Variants in CHRM2 observed in about 807,000 individuals in gnomAD.
The protein encoded by CHRM2 is muscarinic acetylcholine receptor M2.
In CHRM2, 8 loss-of-function variants were observed where a neutral mutation model predicts 25.0. The ratio of observed to expected loss-of-function variants is 0.32; its 90% CI spans 0.19 to 0.58. CHRM2 has a LOEUF of 0.58. Among genes scored for constraint, CHRM2 ranks in the 20% least tolerant of loss-of-function variants. The probability of loss-of-function intolerance (pLI) is 0.88; values close to 1 mark genes in which losing one functional copy is unlikely to be tolerated. For missense variants in CHRM2, 440 were observed against 567.1 expected (o/e 0.78, Z 2.28); for synonymous variants, 202 against 205.7 (o/e 0.98, Z 0.15).
chr7:136,907,365 C>T (rs112017255), intron 2 of CHRM2, among the ~76,000 whole-genome samples: 1 of 151,884 alleles, frequency 6.6e-6, no homozygotes, highest in Non-Finnish European at 1.5e-5. Flanking sequence ...GTTGCTTGAC[C>T]TTCTCTCTGG....
intron 2 of CHRM2, among the ~76,000 whole-genome samples, chr7:136,911,962 A>G (rs901436966): frequency 6.6e-5 from 10 of 151,888 alleles, no homozygotes; most frequent in African/African-American, 2.2e-4. Context: ...AGTTATTTCT[A>G]TGGATAATAC....
chr7:136,897,643 G>T, intron 2 of CHRM2, among the ~76,000 whole-genome samples: 1 of 151,406 alleles, frequency 6.6e-6, no homozygotes. Context: ...TTAAAGGGTG[G>T]TGGATTGCAC....
At chr7:136,932,519 G>A (rs1799166452) in intron 2 of CHRM2, among the ~76,000 whole-genome samples, 1 of 152,114 alleles carries the variant, frequency 6.6e-6, no homozygotes, top group African/African-American at 2.4e-5. Context: ...ATAATTCACT[G>A]GGGAAAGATT....
At chr7:136,967,777 T>C (rs919230685) in intron 2 of CHRM2, among the ~76,000 whole-genome samples, 2 of 152,070 alleles carry the variant, frequency 1.3e-5, no homozygotes, top group African/African-American at 4.8e-5. Flanking sequence ...CCTGTGTCCA[T>C]GGTATGAGTT....
intron 2 of CHRM2, among the ~76,000 whole-genome samples, chr7:136,923,975 T>A (rs939085265): frequency 1.3e-5 from 2 of 152,194 alleles, no homozygotes; most frequent in Non-Finnish European, 2.9e-5. Context: ...ATCATGCCAC[T>A]GTTCTCTAGC....
At chr7:136,923,154 T>A (rs943994662) in intron 2 of CHRM2, among the ~76,000 whole-genome samples, 3 of 152,120 alleles carry the variant, frequency 2.0e-5, no homozygotes, top group Admixed American at 6.5e-5. Flanking sequence ...ATATTTTCTT[T>A]AAGTCATTTA....
chr7:136,892,055 T>C lies in CHRM2; in HGVS notation c.-125+22637T>C, dbSNP rs182243033. Among the ~76,000 whole-genome samples, 174 of 152,300 alleles carry C rather than the reference T, an allele frequency of 1.1e-3. 2 individuals are homozygous for C. Among genetic ancestry groups the C allele is most frequent in the Non-Finnish European group, 4.6e-4 (31 of 68,016 alleles). On this transcript the variant is annotated intron_variant, in intron 2 of 3. Coordinates refer to ENST00000680005, the MANE Select transcript of CHRM2 (RefSeq NM_001006630.2). ...AGAATAGTATCTGTTACACAGCAGG[T>C]ATTAACACTGGTTGAGTGGATGGAC... is the stretch of plus-strand genomic sequence containing the variant.
rs28578872 is a variant in CHRM2, at chr7:136,869,915, T to C, written c.-125+497T>C. ...CGTGTGGGATGGAGGCCCGGCTCGCTCGGGCTCCGAGCTGTCCCCCGGCTC... is the reference window on the plus strand; with the variant it reads ...CGTGTGGGATGGAGGCCCGGCTCGCCCGGGCTCCGAGCTGTCCCCCGGCTC... On this transcript the variant is annotated intron_variant, in intron 2 of 3. Transcript: ENST00000680005. This position sits in a 1 kb window ranked among gnomAD's most constrained non-coding sequence, Gnocchi z 4.9. 62,993 of 152,220 alleles carry C rather than the reference T, an allele frequency of 0.41. 13,465 individuals carry two copies. Among genetic ancestry groups the C allele is most frequent in the African/African-American group, 0.45 (18,869 of 41,472 alleles). The allele number at this position is 152,220 out of a possible 1,614,324, so 9.4% of individuals were successfully genotyped here. A position where few individuals can be genotyped will look rare whatever the true frequency, so the allele number is the denominator to read the frequency against.
At chr7:136,907,166 C>T (rs535167780) in intron 2 of CHRM2, among the ~76,000 whole-genome samples, 8 of 152,040 alleles carry the variant, frequency 5.3e-5, no homozygotes, top group Admixed American at 2.6e-4. Flanking sequence ...GATGAAGCTT[C>T]GCTTGCTGTC....
At chr7:136,989,849 C>A (rs561064317) in intron 2 of CHRM2, among the ~76,000 whole-genome samples, 22 of 152,186 alleles carry the variant, frequency 1.4e-4, no homozygotes, top group Middle Eastern at 6.8e-3. Flanking sequence ...TTCATCAGAT[C>A]CCCATCCACT....
At chr7:136,955,844 G>A (rs1407605226) in intron 2 of CHRM2, among the ~76,000 whole-genome samples, 3 of 152,114 alleles carry the variant, frequency 2.0e-5, no homozygotes, top group African/African-American at 7.2e-5. Context: ...TTTCAACTTG[G>A]CATCTTAAGC....
In CHRM2 at chr7:136,938,532, C is replaced by T. The variant is rs1005278374; in HGVS notation, c.-124-53655C>T. 1.2e-5 allele frequency: 11 copies of T among 948,354 alleles called. No individual in the cohort carries two copies. The Admixed American group carries it at 1.9e-4, about 16-fold the overall frequency. The allele number at this position is 948,354 out of a possible 1,614,324, so 58.7% of individuals were successfully genotyped here. On this transcript the variant is annotated intron_variant, in intron 2 of 3. Transcript: ENST00000680005. ...GGCTCAGCAGGCTCTGGTTGATTGA[C>T]CGTGACTGCAGTGATCCCTCCCATG...
At position 136,883,901 on chromosome 7, in the gene CHRM2, G is replaced by C. The variant is rs191425149; in HGVS notation, c.-125+14483G>C. Reference sequence around the variant, plus strand: ...TGGGTCCCTGCTGAGAATCAGTCCTGGTTCAATGAGTTACTCTAATCTTGA... The same window carrying C: ...TGGGTCCCTGCTGAGAATCAGTCCTCGTTCAATGAGTTACTCTAATCTTGA... On this transcript the variant is annotated intron_variant, in intron 2 of 3. Coordinates refer to ENST00000680005, the MANE Select transcript of CHRM2 (RefSeq NM_001006630.2). Among the ~76,000 whole-genome samples the C allele has an allele frequency of 1.2e-4, 19 of 152,052 alleles. No homozygotes were observed. In the East Asian group the frequency reaches 3.3e-3, roughly 26 times the overall value.
chr7:136,883,817 T>G (rs1296711057), intron 2 of CHRM2, among the ~76,000 whole-genome samples: 2 of 152,168 alleles, frequency 1.3e-5, no homozygotes, highest in East Asian at 1.9e-4. Context: ...AAAACTTTAA[T>G]GACAGGTATG....
At chr7:136,932,136 A>G (rs1331135019) in intron 2 of CHRM2, among the ~76,000 whole-genome samples, 1 of 152,244 alleles carries the variant, frequency 6.6e-6, no homozygotes, top group Non-Finnish European at 1.5e-5. Context: ...CATTATGGAT[A>G]TTACAGAAAT....
intron 2 of CHRM2, among the ~76,000 whole-genome samples, chr7:136,932,074 G>A (rs1208699144): frequency 2.0e-5 from 3 of 152,076 alleles, no homozygotes; most frequent in African/African-American, 7.2e-5. Context: ...GTTGTATTTG[G>A]TGGGATAATG....
intron 3 of CHRM2, among the ~76,000 whole-genome samples, chr7:136,995,334 T>G (rs1374339853): frequency 6.6e-6 from 1 of 152,126 alleles, no homozygotes; most frequent in Non-Finnish European, 1.5e-5. Flanking sequence ...AAATTTTATG[T>G]TCAATATTTG....
In CHRM2 at chr7:136,885,625, G is replaced by A. The variant is rs540368472; in HGVS notation, c.-125+16207G>A. On this transcript the variant is annotated intron_variant, in intron 2 of 3. Coordinates refer to ENST00000680005, the MANE Select transcript of CHRM2 (RefSeq NM_001006630.2). ...ATTTCTGCAGACTTAGTTACATACA[G>A]GTACTATACTAGACATCTAGGATAC... Among the ~76,000 whole-genome samples, 20 of 152,198 alleles carry A rather than the reference G, an allele frequency of 1.3e-4. 1 individual carries two copies. The South Asian group carries it at 4.1e-3, about 32-fold the overall frequency.
chr7:136,968,707 ATT>A (rs1801569515), intron 2 of CHRM2, among the ~76,000 whole-genome samples: 1 of 133,744 alleles, frequency 7.5e-6, no homozygotes, highest in Admixed American at 7.8e-5. Context: ...TATTATATAT[ATT>A]GTATTATCAT....
Sources: allele counts gnomAD v4.1 joint callset (sites outside exome capture counted in the v4.1 genomes callset), GRCh38; gene constraint gnomAD v4.1.1; non-coding constraint Gnocchi (gnomAD v3.1); transcripts MANE v1.5; gene names NCBI Gene and HGNC (gene_info 2026-07-23, HGNC 2026-07-21).